The following BICRAL variants were observed in gnomAD, a reference collection of about 807,000 sequenced individuals.
BICRAL encodes the protein BICRA like chromatin remodeling complex associated protein.
In BICRAL, 8 loss-of-function variants were observed where a neutral mutation model predicts 91.8. The observed-to-expected ratio is 0.09, with a 90% confidence interval of 0.05 to 0.16. The LOEUF (loss-of-function observed/expected upper bound fraction) is 0.16. BICRAL is among the 10% of genes least tolerant of loss of function. The pLI, the probability that BICRAL is intolerant of heterozygous loss-of-function variation, is 1.00. For missense variants in BICRAL, 1,038 were observed against 1,310.9 expected, an observed-to-expected ratio of 0.79 and a Z score of 3.21; for synonymous variants, 445 against 491.1, an observed-to-expected ratio of 0.91 and a Z score of 1.24.
At chr6:42,750,205 G>A (rs1410513254) in intron 1 of BICRAL, among the ~76,000 whole-genome samples, 1 of 151,126 alleles carries the variant, frequency 6.6e-6, no homozygotes, top group Non-Finnish European at 1.5e-5. Flanking sequence ...CTGTCACCTA[G>A]GCTAAAGTGC....
At chr6:42,802,764 A>G (rs112636752) in intron 1 of BICRAL, among the ~76,000 whole-genome samples, 2,553 of 151,988 alleles carry the variant, frequency 0.017, 60 homozygotes, top group East Asian at 0.073. Context: ...TGTTTTTAAT[A>G]GAGATGAGGT....
intron 5 of BICRAL, among the ~76,000 whole-genome samples, chr6:42,824,433 C>T (rs534235448): frequency 1.3e-5 from 2 of 152,220 alleles, no homozygotes; most frequent in South Asian, 4.1e-4. Flanking sequence ...CAGCCTCTGC[C>T]TCCTGGGTTC....
chr6:42,848,789 C>G (rs1202178600), intron 6 of BICRAL, among the ~76,000 whole-genome samples: 1 of 152,156 alleles, frequency 6.6e-6, no homozygotes, highest in African/African-American at 2.4e-5. Flanking sequence ...TGCAGTGACC[C>G]AGGATTGCCA....
chr6:42,855,476 A>G (rs1765322401), intron 8 of BICRAL, among the ~76,000 whole-genome samples: 1 of 152,178 alleles, frequency 6.6e-6, no homozygotes, highest in African/African-American at 2.4e-5. Flanking sequence ...TGGGAAGCAG[A>G]GGTTGCAGTG....
intron 1 of BICRAL, among the ~76,000 whole-genome samples, chr6:42,796,572 C>G (rs1326411798): frequency 6.6e-6 from 1 of 152,034 alleles, no homozygotes; most frequent in Non-Finnish European, 1.5e-5. Context: ...AGGGTCACTT[C>G]TGGAATTTGG....
At position 42,829,747 on chromosome 6, in the gene BICRAL, T is replaced by C; in HGVS notation, c.1414T>C (p.Leu472=). Residue 472 remains leucine (L), a synonymous_variant, in exon 6 of 13, where the codon TTA becomes CTA. Transcript: ENST00000314073. The part of the protein sequence containing the change: ...MLNNQNTAVH[L]VSGQTFAASG... ...TAACAACCAGAATACTGCTGTCCAC[T>C]TAGTGTCTGGGCAGACATTTGCTGC... 6.2e-7 allele frequency: 1 copy of C among 1,614,096 alleles called. No homozygotes were observed. Among genetic ancestry groups the C allele is most frequent in the Non-Finnish European group, 8.5e-7 (1 of 1,179,950 alleles).
intron 1 of BICRAL, among the ~76,000 whole-genome samples, chr6:42,801,259 A>AAG (rs1263004403): frequency 6.6e-6 from 1 of 151,726 alleles, no homozygotes; most frequent in Non-Finnish European, 1.5e-5. Context: ...TAAAAAAAAA[A>AAG]AAAAAAAAGA....
chr6:42,857,127 T>C lies in BICRAL; in HGVS notation c.2145T>C (p.Thr715=). 6.2e-7 allele frequency: 1 copy of C among 1,613,772 alleles called. No homozygotes were observed. Among genetic ancestry groups the C allele is most frequent in the Non-Finnish European group, 8.5e-7 (1 of 1,179,694 alleles). ...AGTTGCAGAGGGACCAAGCCCACACTGTGACACCAGACAAAAGTCACTTCC... is the reference window on the plus strand; with the variant it reads ...AGTTGCAGAGGGACCAAGCCCACACCGTGACACCAGACAAAAGTCACTTCC... ...LQQLQRDQAH[T]VTPDKSHFRS... is the part of the protein sequence containing the mutation. The change falls in exon 10 of 13, where the codon ACT becomes ACC. Residue 715 remains threonine (T), a synonymous_variant. Coordinates refer to ENST00000314073, the MANE Select transcript of BICRAL (RefSeq NM_001393499.1).
chr6:42,751,657 T>TTC (rs1554273287), intron 1 of BICRAL, among the ~76,000 whole-genome samples: 15 of 145,630 alleles, frequency 1.0e-4, no homozygotes, highest in African/African-American at 3.8e-4. Context: ...TTCTTTTCTT[T>TTC]TTTTTTTTTT....
chr6:42,855,405 G>A (rs1454898229), intron 8 of BICRAL, among the ~76,000 whole-genome samples: 1 of 152,124 alleles, frequency 6.6e-6, no homozygotes, highest in African/African-American at 2.4e-5. Context: ...TAACAGGCGT[G>A]GTGGTGCATA....
chr6:42,781,963 G>T, upstream of BICRAL: 1 of 146,864 alleles, frequency 6.8e-6, no homozygotes, highest in South Asian at 1.8e-4. Flanking sequence ...GAGAGAGAGC[G>T]GAGCGCGTGT....
chr6:42,841,251 C>T (rs1424611400), intron 6 of BICRAL, among the ~76,000 whole-genome samples: 25 of 138,050 alleles, frequency 1.8e-4, no homozygotes, highest in African/African-American at 3.3e-4. Flanking sequence ...TGCAGTGGCA[C>T]GATCTTGGCT....
chr6:42,803,488 A>G (rs750137905), intron 1 of BICRAL, among the ~76,000 whole-genome samples: 1 of 152,204 alleles, frequency 6.6e-6, no homozygotes, highest in Non-Finnish European at 1.5e-5. Flanking sequence ...ACCATCGTCA[A>G]AAAGTGCTCA....
intron 1 of BICRAL, among the ~76,000 whole-genome samples, chr6:42,767,729 T>C (rs1209673394): frequency 6.6e-6 from 1 of 152,174 alleles, no homozygotes; most frequent in Non-Finnish European, 1.5e-5. Flanking sequence ...AAGTAATTAT[T>C]AGTCAAGCTG....
rs748804344 is a variant in BICRAL, at chr6:42,845,195, G to GTTTTTTTTTTTTTTTTTTTT, written c.1840-6863_1840-6844dup. Among the ~76,000 whole-genome samples the GTTTTTTTTTTTTTTTTTTTT allele has an allele frequency of 7.8e-5, 2 of 25,568 alleles. 1 individual carries two copies. Among genetic ancestry groups the GTTTTTTTTTTTTTTTTTTTT allele is most frequent in the Non-Finnish European group, 1.7e-4 (2 of 11,780 alleles). The allele number at this position is 25,568 out of a possible 152,430, so 16.8% of individuals were successfully genotyped here. ...CTTCTCTGTTTTTTGTTTTTTGGGT[G>GTTTTTTTTTTTTTTTTTTTT]TTTTTTTTTTTTTTTTTTTTTTTTT... On this transcript the variant is annotated intron_variant, in intron 6 of 12. Coordinates refer to ENST00000314073, the MANE Select transcript of BICRAL (RefSeq NM_001393499.1).
At chr6:42,847,661 A>G (rs1362006309) in intron 6 of BICRAL, among the ~76,000 whole-genome samples, 1 of 152,102 alleles carries the variant, frequency 6.6e-6, no homozygotes, top group Non-Finnish European at 1.5e-5. Context: ...ACGGTGACTC[A>G]CACCTGTAAT....
chr6:42,861,562 C>G (rs1765556267), intron 11 of BICRAL, among the ~76,000 whole-genome samples: 1 of 152,196 alleles, frequency 6.6e-6, no homozygotes, highest in African/African-American at 2.4e-5. Flanking sequence ...CAATTGGTCT[C>G]TTATAACTCA....
chr6:42,806,124 C>T (rs1042539107), intron 1 of BICRAL, among the ~76,000 whole-genome samples: 6 of 152,140 alleles, frequency 3.9e-5, no homozygotes, highest in South Asian at 2.1e-4. Context: ...CAGCATCTTT[C>T]CTTCAGTCAG....
chr6:42,853,767 TA>T, intron 8 of BICRAL, 29 bp downstream of exon 8: 1 of 1,418,524 alleles, frequency 7.0e-7, no homozygotes, highest in Non-Finnish European at 1.0e-6. Context: ...AGCCTCTTCC[TA>T]ATGTTCGGCA....
Sources: allele counts gnomAD v4.1 joint callset (sites outside exome capture counted in the v4.1 genomes callset), GRCh38; gene constraint gnomAD v4.1.1; transcripts MANE v1.5; gene names NCBI Gene and HGNC (gene_info 2026-07-23, HGNC 2026-07-21).